CUBN: variants seen among roughly 807,000 people sequenced by gnomAD.
CUBN encodes the protein 460 kDa receptor.
Under a neutral mutation model 405.3 loss-of-function variants are expected in CUBN, and 282 were observed. The observed-to-expected ratio is 0.70, with a 90% CI of 0.63 to 0.77. CUBN has a LOEUF of 0.77. CUBN is among the 30% of genes least tolerant of loss of function. The pLI, the probability that CUBN is intolerant of heterozygous loss-of-function variation, is 0.00. For synonymous variants in CUBN, 1,684 were observed against 1,617.0 expected, an observed-to-expected ratio of 1.04 and a Z score of -0.99; for missense variants, 4,514 against 4,475.2, an observed-to-expected ratio of 1.01 and a Z score of -0.25.
chr10:17,005,288 C>T (rs1033215530), intron 28 of CUBN, among the ~76,000 whole-genome samples: 33 of 152,166 alleles, frequency 2.2e-4, no homozygotes, highest in African/African-American at 4.3e-4. Flanking sequence ...GGAGATTGTT[C>T]GGACATTTTT....
chr10:17,060,507 T>C (rs1835482077), intron 22 of CUBN, among the ~76,000 whole-genome samples: 2 of 152,246 alleles, frequency 1.3e-5, no homozygotes, highest in South Asian at 4.1e-4. Context: ...AAGCATTTTG[T>C]TGCATTTTTA....
At chr10:17,055,809 G>A (rs561977598) in intron 22 of CUBN, among the ~76,000 whole-genome samples, 9 of 152,058 alleles carry the variant, frequency 5.9e-5, no homozygotes, top group African/African-American at 2.2e-4. Flanking sequence ...TATGTTCATG[G>A]ATTGGAAGGC....
rs137856627 is a variant in CUBN at position 17,023,379 on chromosome 10, G to GA, written c.4018-3397dup. Among the ~76,000 whole-genome samples, 968 of 142,100 alleles carry GA rather than the reference G, an allele frequency of 6.8e-3. 5 individuals carry two copies. Among genetic ancestry groups the GA allele is most frequent in the African/African-American group, 0.02 (769 of 38,256 alleles). The allele number at this position is 142,100 out of a possible 152,430, so 93.2% of individuals were successfully genotyped here. A position where few individuals can be genotyped will look rare whatever the true frequency, so the allele number is the denominator to read the frequency against. On this transcript the variant is annotated intron_variant, in intron 27 of 66. Coordinates refer to ENST00000377833, the MANE Select transcript of CUBN (RefSeq NM_001081.4). Reference sequence around the variant, plus strand: ...ATGTGTAGAACAATGTCTCGAAAAGGAAAAAAAAAAAAACTCATACCTCGT... The same window carrying GA: ...ATGTGTAGAACAATGTCTCGAAAAGGAAAAAAAAAAAAAACTCATACCTCGT...
intron 62 of CUBN, among the ~76,000 whole-genome samples, chr10:16,838,304 G>A (rs1254112974): frequency 1.3e-5 from 2 of 151,990 alleles, no homozygotes; most frequent in Admixed American, 6.5e-5. Flanking sequence ...TGAAAACTCA[G>A]AAGACAACAG....
intron 28 of CUBN, among the ~76,000 whole-genome samples, chr10:17,009,820 C>A (rs1433439539): frequency 2.6e-5 from 4 of 152,176 alleles, no homozygotes; most frequent in African/African-American, 9.7e-5. Context: ...ACATTTCTTA[C>A]CTTCTACACT....
At chr10:16,975,590 T>G (rs970445588) in intron 31 of CUBN, among the ~76,000 whole-genome samples, 5 of 150,880 alleles carry the variant, frequency 3.3e-5, no homozygotes, top group Non-Finnish European at 5.9e-5. Flanking sequence ...AGTAGCTTTG[T>G]CTCTGGCCCA....
chr10:16,833,559 A>G (rs1380127610), intron 64 of CUBN, among the ~76,000 whole-genome samples: 1 of 152,160 alleles, frequency 6.6e-6, no homozygotes, highest in Admixed American at 6.5e-5. Flanking sequence ...ATGCCAGAAC[A>G]CCCTTCCTGG....
rs543253193 is a variant in CUBN at position 17,033,847 on chromosome 10, T to C, written c.4017+7186A>G. Among the ~76,000 whole-genome samples the C allele has an allele frequency of 5.3e-5, 8 of 152,344 alleles. No homozygotes were observed. In the East Asian group the frequency reaches 1.2e-3, roughly 22 times the overall value. The stretch of plus-strand genomic sequence containing the variant: ...ATAACAGCTAGCATCACTTTAAGTA[T>C]TGACAATATCCCATGAGCCCGATGT... On this transcript the variant is annotated intron_variant, in intron 27 of 66. Coordinates refer to ENST00000377833, the MANE Select transcript of CUBN (RefSeq NM_001081.4).
intron 31 of CUBN, among the ~76,000 whole-genome samples, chr10:16,962,538 G>A (rs146781575): frequency 1.0e-3 from 155 of 152,214 alleles, no homozygotes; most frequent in African/African-American, 3.5e-3. Context: ...CCTCCCTGGC[G>A]TATGGGATAG....
At chr10:17,119,784 G>A (rs1452677906) in intron 6 of CUBN, among the ~76,000 whole-genome samples, 4 of 152,214 alleles carry the variant, frequency 2.6e-5, no homozygotes, top group African/African-American at 9.6e-5. Flanking sequence ...GAAGCTCTGG[G>A]TCTAGACCTC....
chr10:16,925,596 C>T lies in CUBN; in HGVS notation c.6450G>A (p.Gly2150=), dbSNP rs549937453. ...CAGCAAGACCTACCACCAAGTAATC[C>T]CCCTGGTTGCAAGAAGAATCTCCAT... The part of the protein sequence containing the change: ...IPNGDSSCNQ[G]DYLVLRNGPD... The change falls in exon 42 of 67, where the codon GGG becomes GGA. Residue 2150 remains glycine, a synonymous_variant. Transcript: ENST00000377833. 7 of 1,613,822 alleles carry T rather than the reference C, an allele frequency of 4.3e-6. No homozygotes were observed. The South Asian group carries it at 7.7e-5, about 18-fold the overall frequency.
rs1204917416 is a variant in CUBN, at chr10:17,104,621, A to C, written c.1231-16T>G. 7.5e-6 allele frequency: 12 copies of C among 1,602,310 alleles called. No homozygotes were observed. The highest frequency in any genetic ancestry group is 1.0e-5 in the Non-Finnish European group (12 of 1,171,806). ...AGACAGTGTCCTAAGGGGAAAAAAA[A>C]CACATAATACCATAAAACAAATGGA... On this transcript the variant is annotated splice_polypyrimidine_tract_variant and intron_variant, in intron 11 of 66. Transcript: ENST00000377833.
At chr10:16,921,140 A>G (rs1842022604) in intron 43 of CUBN, among the ~76,000 whole-genome samples, 1 of 152,210 alleles carries the variant, frequency 6.6e-6, no homozygotes, top group South Asian at 2.1e-4. Context: ...TACTTTTCAT[A>G]TAAACTACAA....
At chr10:16,926,808 TTTCTA>T (rs1451993913) in intron 41 of CUBN, among the ~76,000 whole-genome samples, 3 of 90,366 alleles carry the variant, frequency 3.3e-5, no homozygotes, top group East Asian at 8.4e-4. Context: ...GAAATTTTTT[TTTCTA>T]TCTATCTATC....
At position 17,014,143 on chromosome 10, in the gene CUBN, A is replaced by G. The variant is rs190336358; in HGVS notation, c.4168+5690T>C. On this transcript the variant is annotated intron_variant, in intron 28 of 66. Transcript: ENST00000377833. ...CATCATGAGTAGTCCAGACAGTGAG[A>G]TCCTTTCCTTGTATTATTTTGATAG... Among the ~76,000 whole-genome samples, 334 of 152,240 alleles carry G rather than the reference A, an allele frequency of 2.2e-3. 1 individual carries two copies. Among genetic ancestry groups the G allele is most frequent in the African/African-American group, 7.6e-3 (314 of 41,532 alleles).
intron 28 of CUBN, among the ~76,000 whole-genome samples, chr10:17,003,216 C>T (rs1833936152): frequency 1.3e-5 from 2 of 152,174 alleles, no homozygotes; most frequent in Non-Finnish European, 2.9e-5. Flanking sequence ...CTTGAGGTTA[C>T]TTTGGAGGCG....
At chr10:16,825,880 G>A (rs916959079) in intron 66 of CUBN, among the ~76,000 whole-genome samples, 3 of 151,324 alleles carry the variant, frequency 2.0e-5, no homozygotes, top group Non-Finnish European at 4.4e-5. Context: ...TTATTTCCAA[G>A]ATACTCACTT....
chr10:17,003,072 A>C (rs1417469319), intron 28 of CUBN, among the ~76,000 whole-genome samples: 6 of 152,210 alleles, frequency 3.9e-5, no homozygotes, highest in African/African-American at 1.4e-4. Flanking sequence ...AGCATGTATA[A>C]ATGTGAGAGA....
intron 22 of CUBN, among the ~76,000 whole-genome samples, chr10:17,060,321 A>C (rs563528235): frequency 9.9e-5 from 15 of 151,800 alleles, no homozygotes; most frequent in Admixed American, 7.9e-4. Flanking sequence ...GGGTTTCTCC[A>C]TGTTGGTCAG....
Sources: allele counts gnomAD v4.1 joint callset (sites outside exome capture counted in the v4.1 genomes callset), GRCh38; gene constraint gnomAD v4.1.1; transcripts MANE v1.5; gene names NCBI Gene and HGNC (gene_info 2026-07-23, HGNC 2026-07-21).